GPC5: variants seen among roughly 807,000 people sequenced by gnomAD.
GPC5 encodes glypican 5, also known as glypican-5.
In GPC5, 47 loss-of-function variants were observed where a neutral mutation model predicts 53.9. The ratio of observed to expected loss-of-function variants is 0.87; its 90% confidence interval spans 0.69 to 1.11. GPC5 has a LOEUF of 1.11. GPC5 is among the 50% of genes most tolerant of loss of function. The pLI is 0.00. For synonymous variants in GPC5, 286 were observed against 263.3 expected, an observed-to-expected ratio of 1.09 and a Z score of -0.84; for missense variants, 748 against 713.1, an observed-to-expected ratio of 1.05 and a Z score of -0.56.
chr13:91,554,206 G>C (rs1416858358), intron 2 of GPC5, among the ~76,000 whole-genome samples: 1 of 151,824 alleles, frequency 6.6e-6, no homozygotes, highest in Non-Finnish European at 1.5e-5. Context: ...TTGTTTACCT[G>C]TCAGGCTAGG....
At chr13:91,679,168 CATT>C (rs965192519) in intron 2 of GPC5, among the ~76,000 whole-genome samples, 1 of 150,790 alleles carries the variant, frequency 6.6e-6, no homozygotes, top group African/African-American at 2.4e-5. Flanking sequence ...AAGAAATCAA[CATT>C]TATTTATTTA....
At chr13:91,677,248 G>A (rs1238284196) in intron 2 of GPC5, among the ~76,000 whole-genome samples, 4 of 152,210 alleles carry the variant, frequency 2.6e-5, no homozygotes, top group East Asian at 3.9e-4. Context: ...ATTAAATCTC[G>A]ACCTTGGTGA....
At chr13:91,404,698 G>T (rs893687966) in intron 1 of GPC5, among the ~76,000 whole-genome samples, 1 of 152,178 alleles carries the variant, frequency 6.6e-6, no homozygotes, top group African/African-American at 2.4e-5. Context: ...AGTTGAATGT[G>T]CAGTGTACCT....
chr13:92,165,862 C>T (rs2139012801), intron 7 of GPC5, among the ~76,000 whole-genome samples: 1 of 152,148 alleles, frequency 6.6e-6, no homozygotes. Context: ...GGTAATATTG[C>T]CAATTTTTGG....
chr13:91,472,903 C>A (rs1412738223), intron 2 of GPC5, among the ~76,000 whole-genome samples: 1 of 152,106 alleles, frequency 6.6e-6, no homozygotes, highest in African/African-American at 2.4e-5. Flanking sequence ...GCTGAAAATT[C>A]AGGGAATACA....
At position 91,693,751 on chromosome 13, in the gene GPC5, G is replaced by C. The variant is rs199511868; in HGVS notation, c.890G>C (p.Arg297Pro). 6 of 1,614,104 alleles carry C rather than the reference G, an allele frequency of 3.7e-6. No homozygotes were observed. The South Asian group carries it at 6.6e-5, about 18-fold the overall frequency. ...AATCCACACTGGCATGCATATATCCGGTCGTTGGAAGAACTCTCGGATGCA... is the reference window on the plus strand; with the variant it reads ...AATCCACACTGGCATGCATATATCCCGTCGTTGGAAGAACTCTCGGATGCA... ...ELNPHWHAYI[R>P]SLEELSDAMH... The change falls in exon 3 of 8, where the codon CGG becomes CCG. Residue 297 changes from arginine to proline, a missense_variant. Coordinates refer to ENST00000377067, the MANE Select transcript of GPC5 (RefSeq NM_004466.6).
chr13:92,703,623 A>AT (rs1010381823), intron 7 of GPC5, among the ~76,000 whole-genome samples: 4 of 129,686 alleles, frequency 3.1e-5, no homozygotes, highest in Admixed American at 7.4e-5. Flanking sequence ...TTGATGTATA[A>AT]TTTTTTTATA....
chr13:92,658,059 C>A (rs554700554), intron 7 of GPC5, among the ~76,000 whole-genome samples: 2 of 152,180 alleles, frequency 1.3e-5, no homozygotes, highest in East Asian at 3.9e-4. Flanking sequence ...TACACTTACC[C>A]CAATTCTGTC....
rs139449591 is a variant in GPC5, at chr13:91,513,354, TTGTG to T, written c.325+64454_325+64457del. Among the ~76,000 whole-genome samples, 1,084 of 149,552 alleles carry T rather than the reference TTGTG, an allele frequency of 7.2e-3. 10 individuals are homozygous for T. The highest frequency in any genetic ancestry group is 0.024 in the African/African-American group (990 of 40,908). ...TTTCACTAATTTTACTTGTTTTCAT[TTGTG>T]TGTGTGTGTGTGTGTGTGTGTATTT... is the stretch of plus-strand genomic sequence containing the variant. On this transcript the variant is annotated intron_variant, in intron 2 of 7. Coordinates refer to ENST00000377067, the MANE Select transcript of GPC5 (RefSeq NM_004466.6).
chr13:92,400,605 T>G (rs1316175843), intron 7 of GPC5, among the ~76,000 whole-genome samples: 1 of 152,192 alleles, frequency 6.6e-6, no homozygotes, highest in African/African-American at 2.4e-5. Context: ...ATGGCAGCCA[T>G]GAAACTCCCT....
intron 7 of GPC5, among the ~76,000 whole-genome samples, chr13:92,288,874 G>T (rs1292940687): frequency 6.6e-6 from 1 of 152,084 alleles, no homozygotes; most frequent in Non-Finnish European, 1.5e-5. Context: ...GTTTCATAAA[G>T]TCCCCTCCAA....
chr13:92,572,507 C>T lies in GPC5; in HGVS notation c.1562-293775C>T, dbSNP rs191140667. 3.9e-5 allele frequency among the ~76,000 whole-genome samples: 6 copies of T among 152,200 alleles called. No individual in the cohort carries two copies. In the East Asian group the frequency reaches 1.2e-3, roughly 29 times the overall value. ...CTGGCCTCTTGATAAGGAAGGCACA[C>T]TGATGTCACAGAAGCATTTCTGTTA... is the stretch of plus-strand genomic sequence containing the variant. On this transcript the variant is annotated intron_variant, in intron 7 of 7. Transcript: ENST00000377067.
intron 7 of GPC5, among the ~76,000 whole-genome samples, chr13:92,695,994 C>T (rs951059205): frequency 2.6e-5 from 4 of 152,088 alleles, no homozygotes; most frequent in African/African-American, 9.7e-5. Flanking sequence ...TGACAGTTTC[C>T]AGCCTCATCC....
intron 7 of GPC5, among the ~76,000 whole-genome samples, chr13:92,451,529 A>C (rs1878061256): frequency 6.6e-6 from 1 of 152,158 alleles, no homozygotes; most frequent in Non-Finnish European, 1.5e-5. Context: ...GCAAGATAGG[A>C]ATCAAAGTGA....
intron 7 of GPC5, among the ~76,000 whole-genome samples, chr13:92,165,148 A>C (rs1427891696): frequency 6.6e-6 from 1 of 152,174 alleles, no homozygotes; most frequent in Non-Finnish European, 1.5e-5. Context: ...GGCAGTTAAC[A>C]TTTGGCTACT....
intron 7 of GPC5, among the ~76,000 whole-genome samples, chr13:92,808,843 A>T (rs1229957902): frequency 1.3e-5 from 2 of 152,186 alleles, no homozygotes; most frequent in East Asian, 1.9e-4. Context: ...CCCCAAAAAA[A>T]CTTGCCCCTG....
chr13:92,490,067 T>G lies in GPC5; in HGVS notation c.1561+345078T>G, dbSNP rs114861104. 8.9e-3 allele frequency: 1,370 copies of G among 153,898 alleles called. 21 individuals are homozygous for G. Among genetic ancestry groups the G allele is most frequent in the African/African-American group, 0.031 (1,305 of 41,624 alleles). 9.5% of individuals were successfully genotyped at this position (153,898 alleles called of 1,614,324 possible). On this transcript the variant is annotated intron_variant, in intron 7 of 7. Transcript: ENST00000377067. ...ACTCTTCTTGTGCATTTTAAAAAAT[T>G]TATCTATAATGTGCAGTTAAACTTT...
At chr13:91,449,877 G>A (rs1356904126) in intron 2 of GPC5, among the ~76,000 whole-genome samples, 1 of 151,948 alleles carries the variant, frequency 6.6e-6, no homozygotes, top group Non-Finnish European at 1.5e-5. Flanking sequence ...TTCTGTATAT[G>A]ACTAGAATGA....
intron 5 of GPC5, among the ~76,000 whole-genome samples, chr13:91,812,398 G>C (rs917177651): frequency 1.3e-5 from 2 of 151,992 alleles, no homozygotes; most frequent in African/African-American, 2.4e-5. Context: ...CTGAAAATAT[G>C]GTTTATTAGA....
Sources: allele counts gnomAD v4.1 joint callset (sites outside exome capture counted in the v4.1 genomes callset), GRCh38; gene constraint gnomAD v4.1.1; transcripts MANE v1.5; gene names NCBI Gene and HGNC (gene_info 2026-07-23, HGNC 2026-07-21).